The following MBD6 variants were observed in gnomAD, a reference collection of about 807,000 sequenced individuals.
MBD6 encodes methyl-CpG binding domain protein 6.
A neutral mutation model predicts 66.8 loss-of-function variants in MBD6; 22 were observed. That is an observed-to-expected ratio of 0.33 (90% confidence interval 0.24 to 0.47). The LOEUF is 0.47. Ranked by LOEUF, MBD6 falls within the 20% of genes least tolerant of loss-of-function variation. MBD6 has a pLI of 1.00. For missense variants in MBD6, 1,322 were observed against 1,286.9 expected (o/e 1.03, Z -0.42); for synonymous variants, 540 against 534.6 (o/e 1.01, Z -0.14).
Position 57,527,070 on chromosome 12 carries a change from C to T in MBD6, c.1925C>T (p.Ala642Val), listed in dbSNP as rs763898075. 1.9e-6 allele frequency: 3 copies of T among 1,605,400 alleles called. No homozygotes were observed. Among genetic ancestry groups the T allele is most frequent in the Admixed American group, 3.4e-5 (2 of 59,502 alleles). The change falls in exon 7 of 13, where the codon GCA (alanine) becomes GTA (valine). Residue 642 changes from alanine (A) to valine (V), a missense_variant. Transcript: ENST00000355673. ...GPTAGDGEGS[A>V]EGAGGPSGEP... is the part of the protein sequence containing the mutation. ...ACAGCTGGGGATGGGGAGGGATCTGCAGAGGGAGCCGGGGGTCCAAGTGGG... is the reference window on the plus strand; with the variant it reads ...ACAGCTGGGGATGGGGAGGGATCTGTAGAGGGAGCCGGGGGTCCAAGTGGG...
In MBD6 at chr12:57,528,679, T is replaced by C; in HGVS notation, c.2834T>C (p.Val945Ala). The C allele has an allele frequency of 1.2e-6, 2 of 1,613,970 alleles. No individual in the cohort carries two copies. Among genetic ancestry groups the C allele is most frequent in the South Asian group, 1.1e-5 (1 of 91,068 alleles). The change falls in exon 11 of 13, where the codon GTA becomes GCA. Residue 945 changes from valine to alanine, a missense_variant. Physicochemically the swap from Val to Ala is moderately conservative, Grantham distance 64. Transcript: ENST00000355673. Reference protein sequence around the residue: ...HSEDLKVPPGVVRKSRRGRRR... With the variant: ...HSEDLKVPPGAVRKSRRGRRR... ...ATCTTTTCTCAGGTGCCCCCGGGAG[T>C]AGTCAGAAAGTCTCGTCGTGGCCGT...
rs1565672224 is a variant in MBD6 at position 57,529,428 on chromosome 12, A to ACCC, written c.*196_*197insCCC. On this transcript the variant is annotated 3_prime_UTR_variant, in exon 13 of 13. Coordinates refer to ENST00000355673, the MANE Select transcript of MBD6 (RefSeq NM_052897.4). ...GGGGCAGGGAAGTTCACCCCCCCCCACCACCCCCCCGCCCCCCCGAAGCCA... is the reference window on the plus strand; with the variant it reads ...GGGGCAGGGAAGTTCACCCCCCCCCACCCCCACCCCCCCGCCCCCCCGAAGCCA... 2.2e-4 allele frequency: 89 copies of ACCC among 403,906 alleles called. No individual in the cohort carries two copies. Among genetic ancestry groups the ACCC allele is most frequent in the Middle Eastern group, 6.7e-4 (1 of 1,496 alleles). 25.0% of individuals were successfully genotyped at this position (403,906 alleles called of 1,614,324 possible).
Position 57,525,120 on chromosome 12 carries a change from G to C in MBD6, c.379+5G>C. On this transcript the variant is annotated splice_donor_5th_base_variant and intron_variant, in intron 5 of 12. Transcript: ENST00000355673. ...CCTGCTCACACTCTTCTCCTGGTGA[G>C]TCTTCTGCCACTTTACAGAAGACCG... 6.2e-7 allele frequency: 1 copy of C among 1,603,908 alleles called. No homozygotes were observed. Among genetic ancestry groups the C allele is most frequent in the Non-Finnish European group, 8.5e-7 (1 of 1,177,216 alleles).
At position 57,529,429 on chromosome 12, in the gene MBD6, C is replaced by A; in HGVS notation, c.*195C>A. ...GGGCAGGGAAGTTCACCCCCCCCCA[C>A]CACCCCCCCGCCCCCCCGAAGCCAT... On this transcript the variant is annotated 3_prime_UTR_variant, in exon 13 of 13. Coordinates refer to ENST00000355673, the MANE Select transcript of MBD6 (RefSeq NM_052897.4). 4.3e-6 allele frequency: 2 copies of A among 466,156 alleles called. No homozygotes were observed. Among genetic ancestry groups the A allele is most frequent in the Non-Finnish European group, 7.6e-6 (2 of 264,216 alleles). The allele number at this position is 466,156 out of a possible 1,614,324, so 28.9% of individuals were successfully genotyped here. A position where few individuals can be genotyped will look rare whatever the true frequency, so the allele number is the denominator to read the frequency against.
Position 57,528,669 on chromosome 12 carries a change from C to A in MBD6, c.2824C>A (p.Pro942Thr), listed in dbSNP as rs896483938. 3 of 1,613,794 alleles carry A rather than the reference C, an allele frequency of 1.9e-6. No individual in the cohort carries two copies. The African/African-American group carries it at 4.0e-5, about 22-fold the overall frequency. Reference protein sequence around the residue: ...PGPHSEDLKVPPGVVRKSRRG... With the variant: ...PGPHSEDLKVTPGVVRKSRRG... ...CACATAGTCCATCTTTTCTCAGGTG[C>A]CCCCGGGAGTAGTCAGAAAGTCTCG... The change falls in exon 11 of 13, where the codon CCC becomes ACC. Residue 942 changes from proline to threonine, a missense_variant. Transcript: ENST00000355673.
chr12:57,530,442 T>A, downstream of MBD6: 1 of 441,764 alleles, frequency 2.3e-6, no homozygotes, highest in Non-Finnish European at 4.1e-6. Flanking sequence ...AGTTGGCATG[T>A]GGCTGGGCCC....
rs1007470503 is a variant in MBD6, at chr12:57,526,483, T to G, written c.1421-83T>G. ...TTCAGAGAGCTCTTTGAGGGTTTTC[T>G]GGGTTGGGGGCAGGGAGGTTGGCTT... On this transcript the variant is annotated intron_variant, in intron 6 of 12. Transcript: ENST00000355673. 13 of 1,512,048 alleles carry G rather than the reference T, an allele frequency of 8.6e-6. No homozygotes were observed. In the African/African-American group the frequency reaches 1.7e-4, roughly 20 times the overall value. 93.7% of individuals were successfully genotyped at this position (1,512,048 alleles called of 1,614,324 possible).
At chr12:57,522,286 C>G (rs915661449), upstream of MBD6, among the ~76,000 whole-genome samples, 4 of 152,184 alleles carry the variant, frequency 2.6e-5, no homozygotes, top group African/African-American at 9.7e-5. Flanking sequence ...ACCAGGTTGT[C>G]AGTGACAGGC....
chr12:57,531,515 TTAAAAA>T (rs1161232209), downstream of MBD6, among the ~76,000 whole-genome samples: 2 of 152,136 alleles, frequency 1.3e-5, no homozygotes, highest in Non-Finnish European at 2.9e-5. Context: ...AGACTCTGTC[TTAAAAA>T]TAAAAAACAA....
At position 57,527,873 on chromosome 12, in the gene MBD6, C is replaced by T. The variant is rs759973281; in HGVS notation, c.2262C>T (p.Ser754=). Residue 754 remains serine (S), a synonymous_variant, in exon 9 of 13, where the codon AGC becomes AGT. Coordinates refer to ENST00000355673, the MANE Select transcript of MBD6 (RefSeq NM_052897.4). ...LLGDLSSLTS[S]PGALPSLLQP... is the part of the protein sequence containing the mutation. The stretch of plus-strand genomic sequence containing the variant: ...GTGACCTGTCTTCACTGACCAGCAG[C>T]CCTGGAGCCCTCCCCAGCCTGTTGC... The T allele has an allele frequency of 3.7e-6, 6 of 1,613,614 alleles. No homozygotes were observed. The highest frequency in any genetic ancestry group is 1.7e-4 in the Middle Eastern group (1 of 5,818).
rs961483951 is a variant in MBD6, at chr12:57,527,495, C to T, written c.2083-12C>T. The T allele has an allele frequency of 6.2e-7, 1 of 1,613,800 alleles. No individual in the cohort carries two copies. The highest frequency in any genetic ancestry group is 1.3e-5 in the African/African-American group (1 of 74,904). On this transcript the variant is annotated splice_polypyrimidine_tract_variant and intron_variant, in intron 7 of 12. Transcript: ENST00000355673. ...TACACGCGTAAGTGTTAGAATCATTCTTTTTTCTTAGCCCTGTGTCCTGAG... is the reference window on the plus strand; with the variant it reads ...TACACGCGTAAGTGTTAGAATCATTTTTTTTTCTTAGCCCTGTGTCCTGAG...
chr12:57,520,783 G>C (rs1196354923), upstream of MBD6: 4 of 197,674 alleles, frequency 2.0e-5, no homozygotes, highest in African/African-American at 3.5e-5. Context: ...GAGTGTAGCG[G>C]GGGGGGAGGG....
chr12:57,527,988 C>T lies in MBD6; in HGVS notation c.2377C>T (p.Pro793Ser), dbSNP rs772462005. The T allele has an allele frequency of 1.2e-5, 18 of 1,553,412 alleles. No individual in the cohort carries two copies. Among genetic ancestry groups the T allele is most frequent in the East Asian group, 2.3e-5 (1 of 44,386 alleles). Reference protein sequence around the residue: ...APPPLSEASSPLACLLQSLQI... With the variant: ...APPPLSEASSSLACLLQSLQI... ...TCCACCCCTCTCAGAGGCTTCTAGT[C>T]CCCTAGCCTGCCTGCTACAGAGTCT... The change falls in exon 9 of 13, where the codon CCC becomes TCC. Residue 793 changes from proline (P) to serine (S), a missense_variant. Physicochemically the swap from Pro to Ser is moderately conservative, Grantham distance 74. Coordinates refer to ENST00000355673, the MANE Select transcript of MBD6 (RefSeq NM_052897.4).
At chr12:57,530,384 G>T (rs192583951), downstream of MBD6, 3 of 323,714 alleles carry the variant, frequency 9.3e-6, no homozygotes, top group Non-Finnish European at 1.7e-5. Context: ...TGTGTTGGGG[G>T]ACAAGACCCA....
At position 57,528,470 on chromosome 12, in the gene MBD6, C is replaced by A; in HGVS notation, c.2730C>A (p.Thr910=). The change falls in exon 10 of 13, where the codon ACC becomes ACA. Residue 910 remains threonine, a synonymous_variant. Transcript: ENST00000355673. Reference sequence around the variant, plus strand: ...AAATGGAAAGGTCCCCAAGAAGAACCCACCATTGGCAGCATAATGGGGAGC... The same window carrying A: ...AAATGGAAAGGTCCCCAAGAAGAACACACCATTGGCAGCATAATGGGGAGC... ...NGQMERSPRR[T]HHWQHNGELA... is the part of the protein sequence containing the mutation. The A allele has an allele frequency of 6.2e-7, 1 of 1,613,960 alleles. No homozygotes were observed. The highest frequency in any genetic ancestry group is 8.5e-7 in the Non-Finnish European group (1 of 1,180,028).
At chr12:57,526,484 G>A in intron 6 of MBD6, 82 bp from the exon 7 acceptor site, 1 of 1,511,886 alleles carries the variant, frequency 6.6e-7, no homozygotes, top group East Asian at 2.3e-5. Flanking sequence ...AGGGTTTTCT[G>A]GGTTGGGGGC....
intron 8 of MBD6, 51 bp downstream of exon 8, chr12:57,527,711 T>C (rs1879118287): frequency 6.4e-7 from 1 of 1,556,022 alleles, no homozygotes; most frequent in South Asian, 1.2e-5. Context: ...AAAGCAGGAG[T>C]AAAACTTGGG....
upstream of MBD6, chr12:57,522,097 C>T (rs1416811435): frequency 6.6e-6 from 1 of 151,760 alleles, no homozygotes; most frequent in Non-Finnish European, 1.5e-5. Context: ...CCTGTCATAC[C>T]CTCATGGGGG....
In MBD6 at chr12:57,528,294, A is replaced by C; in HGVS notation, c.2554A>C (p.Arg852=). 6.2e-7 allele frequency: 1 copy of C among 1,604,908 alleles called. No homozygotes were observed. The highest frequency in any genetic ancestry group is 8.5e-7 in the Non-Finnish European group (1 of 1,175,366). The change falls in exon 10 of 13, where the codon AGG becomes CGG. Residue 852 remains arginine, a synonymous_variant. Coordinates refer to ENST00000355673, the MANE Select transcript of MBD6 (RefSeq NM_052897.4). ...CCCAGTCCCTGAGCTGCTCACTGGG[A>C]GGGGGTCAGGGAAACGGGGCCGGAG... The part of the protein sequence containing the change: ...DPPVPELLTG[R]GSGKRGRRGG...
Sources: allele counts gnomAD v4.1 joint callset (sites outside exome capture counted in the v4.1 genomes callset), GRCh38; gene constraint gnomAD v4.1.1; transcripts MANE v1.5; gene names NCBI Gene and HGNC (gene_info 2026-07-23, HGNC 2026-07-21).